The following THADA variants were observed in gnomAD, a reference collection of about 807,000 sequenced individuals.
THADA encodes THADA armadillo repeat containing.
THADA carries 213 observed loss-of-function variants against 219.8 expected under a neutral mutation model. The observed-to-expected ratio is 0.97, with a 90% CI of 0.87 to 1.09. THADA has a LOEUF of 1.09. THADA is among the 50% of genes least tolerant of loss of function. THADA has a pLI of 0.00. For missense variants in THADA, 2,956 were observed against 2,311.3 expected (o/e 1.28, Z -5.72); for synonymous variants, 1,018 against 828.9 (o/e 1.23, Z -3.92).
chr2:43,330,971 C>T (rs1029851802), intron 30 of THADA, among the ~76,000 whole-genome samples: 1 of 152,184 alleles, frequency 6.6e-6, no homozygotes, highest in Non-Finnish European at 1.5e-5. Flanking sequence ...ACCTCTTCTA[C>T]AAATATCAGC....
intron 31 of THADA, among the ~76,000 whole-genome samples, chr2:43,297,263 C>T (rs1179075026): frequency 4.5e-5 from 5 of 110,898 alleles, no homozygotes; most frequent in African/African-American, 1.4e-4. Flanking sequence ...CGTCTCTGCC[C>T]GGCCACCCCG....
At chr2:43,436,233 G>A (rs1680084844) in intron 26 of THADA, among the ~76,000 whole-genome samples, 2 of 152,188 alleles carry the variant, frequency 1.3e-5, no homozygotes, top group Non-Finnish European at 2.9e-5. Context: ...ATATTGAAAT[G>A]GGAGAACTGA....
chr2:43,419,619 A>AT (rs1466706479), intron 28 of THADA, among the ~76,000 whole-genome samples: 2 of 152,154 alleles, frequency 1.3e-5, no homozygotes, highest in Non-Finnish European at 2.9e-5. Context: ...TTGATCTAAA[A>AT]TGTTCTCTAC....
At position 43,577,151 on chromosome 2, in the gene THADA, G is replaced by A. The variant is rs1375710201; in HGVS notation, c.908C>T (p.Ser303Phe). Residue 303 changes from serine (S) to phenylalanine (F), a missense_variant, in exon 10 of 38, where the codon TCT (serine) becomes TTT (phenylalanine). Transcript: ENST00000405975. Reference protein sequence around the residue: ...SCRSLCCGDISQSAVLFLCQG... With the variant: ...SCRSLCCGDIFQSAVLFLCQG... Reference sequence around the variant, plus strand: ...ACAGAGGAATAAGACAGCTGACTGAGAGATGTCACCACAACAGAGGCTCCT... The same window carrying A: ...ACAGAGGAATAAGACAGCTGACTGAAAGATGTCACCACAACAGAGGCTCCT... The A allele has an allele frequency of 2.5e-6, 4 of 1,611,068 alleles. No homozygotes were observed. Among genetic ancestry groups the A allele is most frequent in the Middle Eastern group, 3.3e-4 (2 of 6,062 alleles).
intron 20 of THADA, among the ~76,000 whole-genome samples, chr2:43,545,583 C>A (rs377612721): frequency 3.3e-5 from 5 of 152,186 alleles, no homozygotes; most frequent in Non-Finnish European, 5.9e-5. Flanking sequence ...GATTCAAGTT[C>A]TTCCTGGTTT....
chr2:43,336,667 T>C (rs924314088), intron 30 of THADA, among the ~76,000 whole-genome samples: 2 of 152,102 alleles, frequency 1.3e-5, no homozygotes, highest in Non-Finnish European at 2.9e-5. Flanking sequence ...TGAGGGCCAG[T>C]GAGATAACTT....
chr2:43,234,839 A>T (rs1353644802), intron 36 of THADA, among the ~76,000 whole-genome samples: 1 of 151,950 alleles, frequency 6.6e-6, no homozygotes, highest in African/African-American at 2.4e-5. Context: ...TGCCCAGCTA[A>T]TTTTTGTATT....
At chr2:43,346,083 G>T (rs575441416) in intron 29 of THADA, among the ~76,000 whole-genome samples, 1 of 152,062 alleles carries the variant, frequency 6.6e-6, no homozygotes, top group African/African-American at 2.4e-5. Flanking sequence ...AGCCAGGTAC[G>T]CTGAAAAGAA....
At chr2:43,476,456 C>T (rs1036538420) in intron 26 of THADA, among the ~76,000 whole-genome samples, 2 of 152,142 alleles carry the variant, frequency 1.3e-5, no homozygotes, top group African/African-American at 2.4e-5. Context: ...AAGAATCAAT[C>T]CTCTTTAAAA....
chr2:43,482,870 G>C (rs1041821773), intron 26 of THADA, among the ~76,000 whole-genome samples: 3 of 152,140 alleles, frequency 2.0e-5, no homozygotes, highest in African/African-American at 7.2e-5. Flanking sequence ...CTAATAGTTT[G>C]TTTTATCCTC....
At position 43,541,306 on chromosome 2, in the gene THADA, T is replaced by C; in HGVS notation, c.3117A>G (p.Val1039=). 6.2e-7 allele frequency: 1 copy of C among 1,613,124 alleles called. No homozygotes were observed. Among genetic ancestry groups the C allele is most frequent in the East Asian group, 2.2e-5 (1 of 44,844 alleles). Residue 1039 remains valine, a synonymous_variant, in exon 21 of 38, where the codon GTA becomes GTG. Transcript: ENST00000405975. ...DTSTEIKGKE[V]KTCDVTAQMV... is the part of the protein sequence containing the mutation. ...TCTGCGCAGTTACATCACATGTTTT[T>C]ACTTCTTTACCTTAAACAAAAAAAA...
intron 26 of THADA, among the ~76,000 whole-genome samples, chr2:43,467,851 T>G (rs1359713894): frequency 1.3e-5 from 2 of 152,266 alleles, no homozygotes; most frequent in African/African-American, 4.8e-5. Context: ...TTATATAATA[T>G]AGCCAGTGCT....
chr2:43,299,496 T>TA (rs148297531), intron 31 of THADA, among the ~76,000 whole-genome samples: 6 of 150,052 alleles, frequency 4.0e-5, no homozygotes, highest in Non-Finnish European at 5.9e-5. Context: ...CCGTCTCTAC[T>TA]AAAAAAAATA....
intron 29 of THADA, among the ~76,000 whole-genome samples, chr2:43,360,179 T>TA (rs1196822379): frequency 1.3e-5 from 2 of 152,232 alleles, no homozygotes; most frequent in African/African-American, 4.8e-5. Context: ...TCTCATGCCA[T>TA]AGCACTTATC....
chr2:43,385,071 G>A (rs1485047009), intron 29 of THADA, among the ~76,000 whole-genome samples: 1 of 151,918 alleles, frequency 6.6e-6, no homozygotes, highest in African/African-American at 2.4e-5. Context: ...AACCTGGGAG[G>A]CAGAGTTTGC....
In THADA at chr2:43,477,728, G is replaced by T. The variant is rs1030676551; in HGVS notation, c.3836+7506C>A. Among the ~76,000 whole-genome samples the T allele has an allele frequency of 1.3e-4, 20 of 152,212 alleles. No individual in the cohort carries two copies. The South Asian group carries it at 2.5e-3, about 19-fold the overall frequency. On this transcript the variant is annotated intron_variant, in intron 26 of 37. Coordinates refer to ENST00000405975, the MANE Select transcript of THADA (RefSeq NM_022065.5). ...TGTCTGTTTTCCACACTCACTGATA[G>T]TCTCAGAACCTACTACAGTGCCTAT...
At chr2:43,325,161 C>A (rs541974363) in intron 30 of THADA, among the ~76,000 whole-genome samples, 1 of 152,316 alleles carries the variant, frequency 6.6e-6, no homozygotes, top group Non-Finnish European at 1.5e-5. Flanking sequence ...TTGGGAGAGG[C>A]ACAAGGCAGG....
chr2:43,496,145 T>C (rs1381838910), intron 25 of THADA, among the ~76,000 whole-genome samples: 1 of 152,230 alleles, frequency 6.6e-6, no homozygotes, highest in East Asian at 1.9e-4. Flanking sequence ...TACTCCACTC[T>C]GCAGGTAATG....
intron 29 of THADA, among the ~76,000 whole-genome samples, chr2:43,353,820 TA>T (rs1371130777): frequency 7.0e-6 from 1 of 143,698 alleles, no homozygotes; most frequent in African/African-American, 2.8e-5. Context: ...CAAGCTCAGC[TA>T]ATTTTTTTTT....
Sources: allele counts gnomAD v4.1 joint callset (sites outside exome capture counted in the v4.1 genomes callset), GRCh38; gene constraint gnomAD v4.1.1; transcripts MANE v1.5; gene names NCBI Gene and HGNC (gene_info 2026-07-23, HGNC 2026-07-21).